Variants in PCDHA2 observed in about 807,000 individuals in gnomAD.
The protein encoded by PCDHA2 is protocadherin alpha-2.
A neutral mutation model predicts 66.0 loss-of-function variants in PCDHA2; 58 were observed. The ratio of observed to expected loss-of-function variants is 0.88; its 90% CI spans 0.71 to 1.09. The LOEUF (loss-of-function observed/expected upper bound fraction) is 1.09. Ranked by LOEUF, PCDHA2 falls within the 50% of genes least tolerant of loss-of-function variation. The pLI is 0.00. For missense variants in PCDHA2, 1,267 were observed against 1,242.3 expected, an observed-to-expected ratio of 1.02 and a Z score of -0.30; for synonymous variants, 634 against 554.0, an observed-to-expected ratio of 1.14 and a Z score of -2.03.
At chr5:140,879,335 C>T (rs1388490473) in intron 1 of PCDHA2, among the ~76,000 whole-genome samples, 1 of 152,072 alleles carries the variant, frequency 6.6e-6, no homozygotes, top group Non-Finnish European at 1.5e-5. Context: ...TTAGTTTGTT[C>T]AGCTGAGAAG....
Position 140,829,043 on chromosome 5 carries a change from A to G in PCDHA2, c.2388+31691A>G, listed in dbSNP as rs2150162079. On this transcript the variant is annotated intron_variant, in intron 1 of 3. Transcript: ENST00000526136. ...TTTTGAACAAGAAAACTTATACAAA[A>G]TCCTCATTGACGCCACGGACAAAGG... 5 of 1,613,038 alleles carry G rather than the reference A, an allele frequency of 3.1e-6. No homozygotes were observed. In the African/African-American group the frequency reaches 6.7e-5, roughly 22 times the overall value.
intron 1 of PCDHA2, among the ~76,000 whole-genome samples, chr5:140,806,756 G>C (rs1244483838): frequency 6.6e-6 from 1 of 152,118 alleles, no homozygotes; most frequent in African/African-American, 2.4e-5. Flanking sequence ...TGTATAGTTA[G>C]GTCTCTGTAA....
rs782715771 is a variant in PCDHA2 at position 140,796,716 on chromosome 5, G to T, written c.1752G>T (p.Ser584=). The T allele has an allele frequency of 6.2e-6, 10 of 1,613,932 alleles. No individual in the cohort carries two copies. Among genetic ancestry groups the T allele is most frequent in the Non-Finnish European group, 6.8e-6 (8 of 1,179,950 alleles). The part of the protein sequence containing the change: ...AGAVSELVPW[S]VGAGHVVAKV... ...CAGTGAGTGAGCTGGTGCCGTGGTC[G>T]GTGGGTGCAGGGCACGTGGTGGCGA... The change falls in exon 1 of 4, where the codon TCG becomes TCT. Residue 584 remains serine (S), a synonymous_variant. Transcript: ENST00000526136.
intron 1 of PCDHA2, chr5:140,816,772 C>T (rs1554127126): frequency 6.6e-6 from 1 of 151,970 alleles, no homozygotes; most frequent in Non-Finnish European, 1.5e-5. Flanking sequence ...TGTATAATTC[C>T]TAATTAGAGG....
At chr5:140,886,201 T>C (rs1224274096) in intron 1 of PCDHA2, among the ~76,000 whole-genome samples, 2 of 152,140 alleles carry the variant, frequency 1.3e-5, no homozygotes, top group African/African-American at 2.4e-5. Flanking sequence ...AGTAATCTGT[T>C]CTCCATTTCT....
chr5:140,841,971 G>T (rs2150326595), intron 1 of PCDHA2: 3 of 1,613,910 alleles, frequency 1.9e-6, no homozygotes, highest in East Asian at 2.2e-5. Flanking sequence ...GCCACAGATG[G>T]GGGCAAACCT....
At position 140,876,683 on chromosome 5, in the gene PCDHA2, A is replaced by G. The variant is rs782371303; in HGVS notation, c.2388+79331A>G. ...AAGCTGGTGTCCACCTACAAGAATT[A>G]CTACTCGTTGGTGCTGGACAGCGCC... On this transcript the variant is annotated intron_variant, in intron 1 of 3. Coordinates refer to ENST00000526136, the MANE Select transcript of PCDHA2 (RefSeq NM_018905.3). 5 of 1,614,094 alleles carry G rather than the reference A, an allele frequency of 3.1e-6. No homozygotes were observed. In the South Asian group the frequency reaches 5.5e-5, roughly 18 times the overall value.
At chr5:140,857,171 G>A in intron 1 of PCDHA2, 1 of 1,598,424 alleles carries the variant, frequency 6.3e-7, no homozygotes, top group South Asian at 1.1e-5. Flanking sequence ...CAGCGTTTCT[G>A]ACCATGATTC....
intron 1 of PCDHA2, 130 bp downstream of exon 1, chr5:140,797,482 A>G (rs1005972706): frequency 9.4e-7 from 1 of 1,063,438 alleles, no homozygotes; most frequent in Non-Finnish European, 1.4e-6. Flanking sequence ...GATTTTGAAT[A>G]TGAATTAGAG....
chr5:140,848,408 A>G, intron 1 of PCDHA2: 1 of 1,352,390 alleles, frequency 7.4e-7, no homozygotes, highest in East Asian at 2.3e-5. Context: ...ACGATGGCGA[A>G]CACAGCAGAA....
chr5:140,877,547 C>T lies in PCDHA2; in HGVS notation c.2388+80195C>T, dbSNP rs782342116. ...GTGGGCGCTGTGGATCCCGAAGCGG[C>T]TCTGGTGGATATTAACGTGTACCTC... On this transcript the variant is annotated intron_variant, in intron 1 of 3. Transcript: ENST00000526136. The T allele has an allele frequency of 2.5e-6, 4 of 1,613,656 alleles. No individual in the cohort carries two copies. The highest frequency in any genetic ancestry group is 1.3e-5 in the African/African-American group (1 of 74,930).
intron 1 of PCDHA2, chr5:140,835,670 C>T (rs1554135177): frequency 5.6e-6 from 9 of 1,613,734 alleles, no homozygotes; most frequent in African/African-American, 1.3e-5. Context: ...CCGCGCGGGA[C>T]GGGGGCTCGC....
rs926604630 is a variant in PCDHA2 at position 140,857,768 on chromosome 5, G to C, written c.2388+60416G>C. ...GGCGTCTCCCGCTGGCAGCGCGGGC[G>C]GTGCAGTCAGTGAGCTGGTGCTGCG... On this transcript the variant is annotated intron_variant, in intron 1 of 3. Transcript: ENST00000526136. 6 of 1,597,542 alleles carry C rather than the reference G, an allele frequency of 3.8e-6. 2 individuals carry two copies. In the South Asian group the frequency reaches 5.5e-5, roughly 15 times the overall value.
At chr5:140,857,819 G>A in intron 1 of PCDHA2, 1 of 1,597,752 alleles carries the variant, frequency 6.3e-7, no homozygotes, top group Non-Finnish European at 8.6e-7. Context: ...TCACGTGGTG[G>A]CTAAGGTGCG....
chr5:140,975,216 G>C (rs1349439819), intron 1 of PCDHA2, among the ~76,000 whole-genome samples: 1 of 152,198 alleles, frequency 6.6e-6, no homozygotes, highest in Admixed American at 6.5e-5. Flanking sequence ...TGGCACTGGA[G>C]AATCTTCCCT....
chr5:140,876,180 T>C (rs782772220), intron 1 of PCDHA2: 1 of 1,613,982 alleles, frequency 6.2e-7, no homozygotes, highest in South Asian at 1.1e-5. Context: ...TGGATGTGAA[T>C]GACAATGGTC....
chr5:140,921,030 G>C (rs1266143728), intron 1 of PCDHA2, among the ~76,000 whole-genome samples: 2 of 151,532 alleles, frequency 1.3e-5, no homozygotes, highest in Admixed American at 6.6e-5. Context: ...TCTAGACTGG[G>C]GTGCAGTGGG....
intron 3 of PCDHA2, among the ~76,000 whole-genome samples, chr5:141,003,801 A>T (rs1554259323): frequency 1.3e-5 from 2 of 152,172 alleles, no homozygotes; most frequent in African/African-American, 4.8e-5. Context: ...ATTGGGTTGT[A>T]ATCTGTAGTC....
intron 1 of PCDHA2, among the ~76,000 whole-genome samples, chr5:140,874,080 C>A (rs2054679872): frequency 6.6e-6 from 1 of 152,142 alleles, no homozygotes; most frequent in South Asian, 2.1e-4. Flanking sequence ...CTGATGACAT[C>A]AAAATTCAAA....
Sources: allele counts gnomAD v4.1 joint callset (sites outside exome capture counted in the v4.1 genomes callset), GRCh38; gene constraint gnomAD v4.1.1; transcripts MANE v1.5; gene names NCBI Gene and HGNC (gene_info 2026-07-23, HGNC 2026-07-21).